Variants in GUCY1A2 observed in about 807,000 individuals in gnomAD.
GUCY1A2 encodes guanylate cyclase soluble subunit alpha-2.
In GUCY1A2, 27 loss-of-function variants were observed where a neutral mutation model predicts 63.5. That is an observed-to-expected ratio of 0.43 (90% confidence interval 0.31 to 0.59). GUCY1A2 has a LOEUF of 0.59. Ranked by LOEUF, GUCY1A2 falls within the 20% of genes least tolerant of loss-of-function variation. The pLI, the probability that GUCY1A2 is intolerant of heterozygous loss-of-function variation, is 0.11. For missense variants in GUCY1A2, 768 were observed against 913.3 expected (o/e 0.84, Z 2.05); for synonymous variants, 364 against 343.5 (o/e 1.06, Z -0.66).
intron 4 of GUCY1A2, among the ~76,000 whole-genome samples, chr11:106,819,261 A>T (rs555439451): frequency 1.6e-4 from 24 of 152,288 alleles, no homozygotes; most frequent in Admixed American, 1.6e-3. Context: ...ACAACAAAAG[A>T]TTTAGAATAT....
intron 1 of GUCY1A2, among the ~76,000 whole-genome samples, chr11:107,003,471 TCA>T (rs1491512983): frequency 5.3e-5 from 8 of 152,120 alleles, no homozygotes; most frequent in Non-Finnish European, 1.2e-4. Context: ...TTTTTCTCTC[TCA>T]GAGTGTTTGT....
intron 4 of GUCY1A2, among the ~76,000 whole-genome samples, chr11:106,897,148 A>T (rs950518675): frequency 6.6e-6 from 1 of 152,168 alleles, no homozygotes; most frequent in Admixed American, 6.5e-5. Context: ...AAATATGTAC[A>T]AGATCATTAT....
intron 4 of GUCY1A2, among the ~76,000 whole-genome samples, chr11:106,917,373 T>C (rs1591326736): frequency 1.4e-5 from 2 of 144,622 alleles, no homozygotes; most frequent in African/African-American, 2.5e-5. Flanking sequence ...AGACAAGGGG[T>C]TGGAGGTAAA....
intron 1 of GUCY1A2, among the ~76,000 whole-genome samples, chr11:107,013,579 G>A (rs917055079): frequency 1.3e-5 from 2 of 152,084 alleles, no homozygotes; most frequent in African/African-American, 2.4e-5. Context: ...ACAGAGTCTC[G>A]CTGTCACCCA....
intron 4 of GUCY1A2, among the ~76,000 whole-genome samples, chr11:106,926,150 T>G (rs1860518151): frequency 2.0e-5 from 3 of 152,168 alleles, no homozygotes; most frequent in African/African-American, 7.2e-5. Flanking sequence ...CTGGGCGCAG[T>G]GGTTCACGTC....
intron 4 of GUCY1A2, among the ~76,000 whole-genome samples, chr11:106,878,636 G>T (rs920750622): frequency 6.6e-6 from 1 of 151,862 alleles, no homozygotes; most frequent in African/African-American, 2.4e-5. Flanking sequence ...GAGGGTAGAA[G>T]GTGGGAAGAG....
At chr11:106,958,277 C>T (rs2120053490) in intron 3 of GUCY1A2, among the ~76,000 whole-genome samples, 1 of 152,314 alleles carries the variant, frequency 6.6e-6, no homozygotes, top group East Asian at 1.9e-4. Context: ...TCTCAAAACA[C>T]AGCAGATCTC....
chr11:106,764,750 T>G (rs1271571045), intron 6 of GUCY1A2, among the ~76,000 whole-genome samples: 1 of 152,062 alleles, frequency 6.6e-6, no homozygotes, highest in Non-Finnish European at 1.5e-5. Context: ...CTCTTGTTAT[T>G]AAGTACTCAG....
chr11:106,797,207 C>A (rs1338219413), intron 5 of GUCY1A2, among the ~76,000 whole-genome samples: 1 of 152,026 alleles, frequency 6.6e-6, no homozygotes. Context: ...AACTTCTTTG[C>A]GATGTGTTCG....
At position 106,963,621 on chromosome 11, in the gene GUCY1A2, G is replaced by A. The variant is rs556759382; in HGVS notation, c.487+14998C>T. On this transcript the variant is annotated intron_variant, in intron 3 of 7. Coordinates refer to ENST00000526355, the MANE Select transcript of GUCY1A2 (RefSeq NM_000855.3). Reference sequence around the variant, plus strand: ...CCATATCACCAAATCACGTTATAAGGGAGACAGAAAACAAAACTTAAGGAA... The same window carrying A: ...CCATATCACCAAATCACGTTATAAGAGAGACAGAAAACAAAACTTAAGGAA... 6.1e-4 allele frequency among the ~76,000 whole-genome samples: 92 copies of A among 152,050 alleles called. 1 individual carries two copies. The South Asian group carries it at 0.018, about 31-fold the overall frequency.
intron 4 of GUCY1A2, among the ~76,000 whole-genome samples, chr11:106,865,748 A>C (rs1859583377): frequency 6.6e-6 from 1 of 151,958 alleles, no homozygotes; most frequent in South Asian, 2.1e-4. Context: ...CTGTATACCT[A>C]TGTAATAAAC....
intron 4 of GUCY1A2, among the ~76,000 whole-genome samples, chr11:106,816,224 C>T (rs1733608006): frequency 7.3e-6 from 1 of 137,768 alleles, no homozygotes; most frequent in Non-Finnish European, 1.6e-5. Flanking sequence ...CCGACCAAAT[C>T]CTAGGCCATA....
At chr11:106,997,730 G>A (rs986206958) in intron 1 of GUCY1A2, among the ~76,000 whole-genome samples, 3 of 150,618 alleles carry the variant, frequency 2.0e-5, no homozygotes, top group African/African-American at 4.9e-5. Context: ...GGAGAACCGG[G>A]CACTAAAATG....
In GUCY1A2 at chr11:106,680,596, CATT is replaced by C. The variant is rs964549783; in HGVS notation, c.*6950_*6952del. 2.9e-4 allele frequency: 56 copies of C among 195,738 alleles called. No homozygotes were observed. The highest frequency in any genetic ancestry group is 1.2e-3 in the African/African-American group (54 of 43,206). 12.1% of individuals were successfully genotyped at this position (195,738 alleles called of 1,614,324 possible). A position where few individuals can be genotyped will look rare whatever the true frequency, so the allele number is the denominator to read the frequency against. The stretch of plus-strand genomic sequence containing the variant: ...TAATAGATTCAAATTAAATATTTTC[CATT>C]ATTTATTTAACCCAAAACCATTCTT... On this transcript the variant is annotated 3_prime_UTR_variant, in exon 8 of 8. Coordinates refer to ENST00000526355, the MANE Select transcript of GUCY1A2 (RefSeq NM_000855.3).
intron 3 of GUCY1A2, among the ~76,000 whole-genome samples, chr11:106,963,618 A>G (rs1001709705): frequency 6.6e-6 from 1 of 152,186 alleles, no homozygotes; most frequent in African/African-American, 2.4e-5. Context: ...ATCACGTTAT[A>G]AGGGAGACAG....
At chr11:106,767,216 TACTC>T (rs1864180731) in intron 6 of GUCY1A2, among the ~76,000 whole-genome samples, 1 of 152,090 alleles carries the variant, frequency 6.6e-6, no homozygotes, top group African/African-American at 2.4e-5. Context: ...ACTAACAAAA[TACTC>T]AAACCATGTC....
chr11:106,801,093 C>T (rs1858591419), intron 5 of GUCY1A2, among the ~76,000 whole-genome samples: 1 of 151,998 alleles, frequency 6.6e-6, no homozygotes. Flanking sequence ...TCTTTAACCT[C>T]CGGGAGCCAA....
intron 4 of GUCY1A2, among the ~76,000 whole-genome samples, chr11:106,905,798 G>C (rs368364904): frequency 2.6e-5 from 4 of 152,110 alleles, no homozygotes; most frequent in African/African-American, 9.7e-5. Context: ...CCTTAATGCA[G>C]CTCATGCTTT....
chr11:106,774,246 C>G (rs1480528862), intron 6 of GUCY1A2, among the ~76,000 whole-genome samples: 3 of 152,104 alleles, frequency 2.0e-5, no homozygotes, highest in African/African-American at 7.2e-5. Flanking sequence ...CATTCTCTGC[C>G]TCAGCCTCCT....
Sources: gnomAD v4.1 joint callset for allele counts (sites outside exome capture counted in the v4.1 genomes callset) on GRCh38, gnomAD v4.1.1 for gene constraint, MANE v1.5 for transcripts, NCBI Gene and HGNC (gene_info 2026-07-23, HGNC 2026-07-21) for gene names.